STARD13: variants seen among roughly 807,000 people sequenced by gnomAD.
The protein encoded by STARD13 is stAR-related lipid transfer protein 13.
Under a neutral mutation model 106.4 loss-of-function variants are expected in STARD13, and 62 were observed. The ratio of observed to expected loss-of-function variants is 0.58; its 90% confidence interval spans 0.48 to 0.72. The LOEUF is 0.72. Ranked by LOEUF, STARD13 falls within the 30% of genes least tolerant of loss-of-function variation. The probability of loss-of-function intolerance (pLI) is 0.00; values close to 1 mark genes in which losing one functional copy is unlikely to be tolerated. For synonymous variants in STARD13, 565 were observed against 553.0 expected (o/e 1.02, Z -0.31); for missense variants, 1,387 against 1,424.0 (o/e 0.97, Z 0.42).
At chr13:33,308,170 C>G (rs1892982249) in intron 1 of STARD13, among the ~76,000 whole-genome samples, 1 of 152,236 alleles carries the variant, frequency 6.6e-6, no homozygotes, top group African/African-American at 2.4e-5. Context: ...GCTATCTCCT[C>G]TGAAAATGAT....
chr13:33,449,218 G>A, the STARD13 span, among the ~76,000 whole-genome samples: 1 of 152,024 alleles, frequency 6.6e-6, no homozygotes, highest in Non-Finnish European at 1.5e-5. Flanking sequence ...TTCTCTTTTA[G>A]CAGTTTTGTA....
At chr13:33,600,917 C>T in the STARD13 span, among the ~76,000 whole-genome samples, 4 of 152,148 alleles carry the variant, frequency 2.6e-5, no homozygotes, top group Admixed American at 6.5e-5. Context: ...TCTTCTCCTA[C>T]GTACTATGGT....
chr13:33,107,668 C>T (rs1873956179), intron 12 of STARD13, among the ~76,000 whole-genome samples: 1 of 152,092 alleles, frequency 6.6e-6, no homozygotes, highest in Admixed American at 6.6e-5. Context: ...GAGAGAAGCA[C>T]TGTCTAACAA....
the STARD13 span, among the ~76,000 whole-genome samples, chr13:33,577,257 T>C: frequency 2.6e-5 from 4 of 152,314 alleles, no homozygotes; most frequent in East Asian, 3.9e-4. Context: ...ATAATCATGA[T>C]GGCAACCACC....
chr13:33,225,614 G>C (rs985016186), intron 1 of STARD13, among the ~76,000 whole-genome samples: 1 of 152,074 alleles, frequency 6.6e-6, no homozygotes, highest in East Asian at 1.9e-4. Context: ...CAGAATTTTG[G>C]ATAAGCGAAG....
At chr13:33,668,026 T>A in the STARD13 span, among the ~76,000 whole-genome samples, 1 of 152,250 alleles carries the variant, frequency 6.6e-6, no homozygotes, top group Non-Finnish European at 1.5e-5. Flanking sequence ...TTTCTGTCCT[T>A]CACTTCCATT....
intron 1 of STARD13, among the ~76,000 whole-genome samples, chr13:33,240,135 G>C (rs1203541549): frequency 1.3e-5 from 2 of 152,092 alleles, no homozygotes; most frequent in Non-Finnish European, 2.9e-5. Flanking sequence ...ATTTATTGAG[G>C]AGACTGTCGT....
At chr13:33,116,101 T>C (rs1010518132) in intron 8 of STARD13, among the ~76,000 whole-genome samples, 2 of 152,226 alleles carry the variant, frequency 1.3e-5, no homozygotes, top group African/African-American at 2.4e-5. Context: ...CATACACTCC[T>C]TGCCCTAATA....
chr13:33,544,554 T>G, the STARD13 span, among the ~76,000 whole-genome samples: 2 of 152,204 alleles, frequency 1.3e-5, no homozygotes, highest in South Asian at 4.1e-4. Context: ...TCAGTTTTAT[T>G]TAAATCACTG....
the STARD13 span, among the ~76,000 whole-genome samples, chr13:33,553,478 G>A: frequency 6.6e-6 from 1 of 151,112 alleles, no homozygotes; most frequent in Non-Finnish European, 1.5e-5. Context: ...TTTTCATGAG[G>A]AGATTAATGG....
At chr13:33,474,821 A>G in the STARD13 span, among the ~76,000 whole-genome samples, 1 of 152,186 alleles carries the variant, frequency 6.6e-6, no homozygotes. Flanking sequence ...TGGTTTAATA[A>G]AAGTAGCTGA....
the STARD13 span, among the ~76,000 whole-genome samples, chr13:33,413,166 T>G: frequency 6.6e-5 from 10 of 152,122 alleles, no homozygotes; most frequent in African/African-American, 2.4e-4. Flanking sequence ...TTCTAAATAA[T>G]CTATGGCTCA....
the STARD13 span, among the ~76,000 whole-genome samples, chr13:33,564,807 C>CA: frequency 1.4e-5 from 2 of 146,126 alleles, 1 homozygote; most frequent in South Asian, 4.3e-4. Context: ...TCCTGGCTAA[C>CA]ACGGTGAAAC....
the STARD13 span, among the ~76,000 whole-genome samples, chr13:33,362,660 A>G: frequency 6.6e-6 from 1 of 152,164 alleles, no homozygotes; most frequent in African/African-American, 2.4e-5. Context: ...AGGTTGTTGA[A>G]TTTGATTTTC....
chr13:33,379,624 G>T, the STARD13 span, among the ~76,000 whole-genome samples: 1 of 152,194 alleles, frequency 6.6e-6, no homozygotes, highest in African/African-American at 2.4e-5. Flanking sequence ...TACTGATGTA[G>T]AAATGGATGT....
At chr13:33,449,975 T>A in the STARD13 span, among the ~76,000 whole-genome samples, 1 of 152,158 alleles carries the variant, frequency 6.6e-6, no homozygotes. Context: ...GTTCTAATAG[T>A]TTTTTTGTGT....
intron 1 of STARD13, among the ~76,000 whole-genome samples, chr13:33,187,926 T>A (rs765253132): frequency 2.6e-5 from 4 of 152,186 alleles, no homozygotes; most frequent in Non-Finnish European, 5.9e-5. Context: ...TCAAGTGATC[T>A]GCCCACCTCG....
the STARD13 span, among the ~76,000 whole-genome samples, chr13:33,358,220 G>C: frequency 6.6e-6 from 1 of 152,198 alleles, no homozygotes; most frequent in Non-Finnish European, 1.5e-5. Context: ...CTTCCCATGG[G>C]GCAGGGCTCG....
chr13:33,656,258 ATATT>A, the STARD13 span, among the ~76,000 whole-genome samples: 1 of 152,194 alleles, frequency 6.6e-6, no homozygotes, highest in Non-Finnish European at 1.5e-5. Context: ...TTCTCAATAA[ATATT>A]TATGGATGGA....
Sources: gnomAD v4.1 joint callset for allele counts (sites outside exome capture counted in the v4.1 genomes callset) on GRCh38, gnomAD v4.1.1 for gene constraint, MANE v1.5 for transcripts, NCBI Gene and HGNC (gene_info 2026-07-23, HGNC 2026-07-21) for gene names.